The following UNC5D variants were observed in gnomAD, a reference collection of about 807,000 sequenced individuals.
UNC5D encodes unc-5 netrin receptor D, also known as netrin receptor UNC5D.
In UNC5D, 39 loss-of-function variants were observed where a neutral mutation model predicts 105.4. The ratio of observed to expected loss-of-function variants is 0.37; its 90% CI spans 0.29 to 0.48. The LOEUF is 0.48. Among genes scored for constraint, UNC5D ranks in the 20% least tolerant of loss-of-function variants. The pLI is 0.98. For synonymous variants in UNC5D, 452 were observed against 450.4 expected (o/e 1.00, Z -0.04); for missense variants, 991 against 1,202.4 (o/e 0.82, Z 2.60).
chr8:35,600,180 ATTTTCT>A (rs1235613503), intron 4 of UNC5D, among the ~76,000 whole-genome samples: 2 of 152,040 alleles, frequency 1.3e-5, no homozygotes, highest in Non-Finnish European at 2.9e-5. Flanking sequence ...TATGAGCCAC[ATTTTCT>A]TAATCTAGTT....
chr8:35,515,891 G>A (rs1813064867), intron 1 of UNC5D, among the ~76,000 whole-genome samples: 1 of 152,068 alleles, frequency 6.6e-6, no homozygotes, highest in Non-Finnish European at 1.5e-5. Flanking sequence ...AGCTGACTCA[G>A]AGAAGGGGCT....
chr8:35,478,005 G>C (rs565110705), intron 1 of UNC5D, among the ~76,000 whole-genome samples: 1 of 152,196 alleles, frequency 6.6e-6, no homozygotes, highest in Non-Finnish European at 1.5e-5. Flanking sequence ...GAGATGAAGA[G>C]AAAGCCTTAT....
chr8:35,706,876 AT>A (rs1196260429), intron 8 of UNC5D, among the ~76,000 whole-genome samples: 1 of 152,160 alleles, frequency 6.6e-6, no homozygotes, highest in Non-Finnish European at 1.5e-5. Context: ...CTATGTGTTA[AT>A]ATGTTCCCCA....
intron 4 of UNC5D, among the ~76,000 whole-genome samples, chr8:35,630,056 T>A (rs1821942748): frequency 1.3e-5 from 2 of 152,234 alleles, no homozygotes; most frequent in African/African-American, 2.4e-5. Flanking sequence ...TATTTACGCA[T>A]GGAAAAGACT....
At chr8:35,475,427 T>C (rs1309056722) in intron 1 of UNC5D, among the ~76,000 whole-genome samples, 1 of 152,226 alleles carries the variant, frequency 6.6e-6, no homozygotes, top group Non-Finnish European at 1.5e-5. Context: ...TGGCTCTGTC[T>C]GGGGACTTGA....
Position 35,743,603 on chromosome 8 carries a change from T to A in UNC5D, c.1767-4924T>A, listed in dbSNP as rs771412102. Among the ~76,000 whole-genome samples the A allele has an allele frequency of 3.3e-3, 445 of 134,944 alleles. 1 individual carries two copies. The highest frequency in any genetic ancestry group is 3.2e-3 in the Non-Finnish European group (211 of 65,622). 88.5% of individuals were successfully genotyped at this position (134,944 alleles called of 152,430 possible). On this transcript the variant is annotated intron_variant, in intron 11 of 16. Coordinates refer to ENST00000404895, the MANE Select transcript of UNC5D (RefSeq NM_080872.4). Reference sequence around the variant, plus strand: ...TGCACTCACTTTAAAAAAAAAAAAATTTTTTTTAAATCTTGACAAAATTTC... The same window carrying A: ...TGCACTCACTTTAAAAAAAAAAAAAATTTTTTTAAATCTTGACAAAATTTC...
intron 4 of UNC5D, among the ~76,000 whole-genome samples, chr8:35,681,348 A>G (rs1399430158): frequency 6.6e-6 from 1 of 152,130 alleles, no homozygotes; most frequent in Non-Finnish European, 1.5e-5. Flanking sequence ...TTATATTTCT[A>G]TTTTACCCAT....
intron 1 of UNC5D, among the ~76,000 whole-genome samples, chr8:35,264,946 T>C (rs1804755484): frequency 6.6e-6 from 1 of 152,194 alleles, no homozygotes; most frequent in Non-Finnish European, 1.5e-5. Context: ...AATGGGCAGA[T>C]GGTTCATAAA....
chr8:35,781,873 G>T (rs906513424), intron 16 of UNC5D, among the ~76,000 whole-genome samples: 7 of 152,170 alleles, frequency 4.6e-5, no homozygotes, highest in Admixed American at 4.6e-4. Context: ...AAGAATTCTT[G>T]CTTTTTTCCA....
intron 4 of UNC5D, among the ~76,000 whole-genome samples, chr8:35,625,645 C>T (rs1260010947): frequency 1.3e-5 from 2 of 152,132 alleles, no homozygotes; most frequent in East Asian, 3.9e-4. Flanking sequence ...GTCATTGTAC[C>T]TTGTTTCCCA....
At chr8:35,391,885 C>G (rs938383563) in intron 1 of UNC5D, among the ~76,000 whole-genome samples, 22 of 152,110 alleles carry the variant, frequency 1.4e-4, no homozygotes, top group Non-Finnish European at 2.6e-4. Flanking sequence ...ACCTATTGTA[C>G]TTGGTTTACA....
intron 1 of UNC5D, among the ~76,000 whole-genome samples, chr8:35,331,017 T>G (rs953088292): frequency 1.3e-5 from 2 of 152,136 alleles, no homozygotes; most frequent in Admixed American, 1.3e-4. Flanking sequence ...TTGGTTGGTT[T>G]GTTGTTTGCT....
At chr8:35,285,873 G>A (rs574451228) in intron 1 of UNC5D, among the ~76,000 whole-genome samples, 144 of 152,298 alleles carry the variant, frequency 9.5e-4, no homozygotes, top group Non-Finnish European at 1.5e-3. Context: ...GTAGTCGAGT[G>A]AGGTGAAAGT....
intron 3 of UNC5D, among the ~76,000 whole-genome samples, chr8:35,586,089 A>C (rs2130861426): frequency 6.6e-6 from 1 of 152,198 alleles, no homozygotes; most frequent in South Asian, 2.1e-4. Context: ...CCTGGCCAAC[A>C]TGGAGAAACC....
chr8:35,771,713 C>T (rs547030949), intron 15 of UNC5D, among the ~76,000 whole-genome samples: 1 of 152,324 alleles, frequency 6.6e-6, no homozygotes, highest in Non-Finnish European at 1.5e-5. Context: ...AATGCCTCCT[C>T]CATGAAGTCT....
intron 1 of UNC5D, among the ~76,000 whole-genome samples, chr8:35,376,135 T>C (rs547461938): frequency 6.6e-6 from 1 of 152,334 alleles, no homozygotes; most frequent in African/African-American, 2.4e-5. Flanking sequence ...GCTGTAGTGG[T>C]GCTATCTAAA....
intron 1 of UNC5D, among the ~76,000 whole-genome samples, chr8:35,259,255 A>G (rs1804281886): frequency 6.6e-6 from 1 of 152,182 alleles, no homozygotes; most frequent in African/African-American, 2.4e-5. Flanking sequence ...CACACCAAGG[A>G]AGAATCTTCA....
At chr8:35,789,187 A>G (rs1204631278) in intron 16 of UNC5D, among the ~76,000 whole-genome samples, 2 of 105,632 alleles carry the variant, frequency 1.9e-5, no homozygotes, top group East Asian at 6.0e-4. Flanking sequence ...ATATATATAT[A>G]TGAGATAGGG....
At chr8:35,461,280 G>C (rs574714922) in intron 1 of UNC5D, among the ~76,000 whole-genome samples, 1 of 152,278 alleles carries the variant, frequency 6.6e-6, no homozygotes, top group East Asian at 1.9e-4. Flanking sequence ...CTGTTGATGA[G>C]CTGGGGGCCT....
Sources: gnomAD v4.1 joint callset for allele counts (sites outside exome capture counted in the v4.1 genomes callset) on GRCh38, gnomAD v4.1.1 for gene constraint, MANE v1.5 for transcripts, NCBI Gene and HGNC (gene_info 2026-07-23, HGNC 2026-07-21) for gene names.